USH2A: variants seen among roughly 807,000 people sequenced by gnomAD.
USH2A encodes the protein Usher syndrome 2A (autosomal recessive, mild).
Under a neutral mutation model 538.9 loss-of-function variants are expected in USH2A, and 443 were observed. The observed-to-expected ratio is 0.82, with a 90% confidence interval of 0.76 to 0.89. The LOEUF (loss-of-function observed/expected upper bound fraction) is 0.89. Ranked by LOEUF, USH2A falls within the 40% of genes least tolerant of loss-of-function variation. USH2A has a pLI of 0.00. For missense variants in USH2A, 6,633 were observed against 6,324.8 expected (o/e 1.05, Z -1.65); for synonymous variants, 2,413 against 2,273.5 (o/e 1.06, Z -1.75).
At chr1:215,799,719 T>C (rs148142096) in intron 49 of USH2A, among the ~76,000 whole-genome samples, 17 of 152,164 alleles carry the variant, frequency 1.1e-4, no homozygotes, top group African/African-American at 3.9e-4. Context: ...GGTGTGGTGC[T>C]TTACACCTGT....
chr1:215,639,262 A>T (rs770836674), intron 68 of USH2A, 24 bp from the exon 69 acceptor site: 1 of 1,612,964 alleles, frequency 6.2e-7, no homozygotes, highest in South Asian at 1.1e-5. Flanking sequence ...AGAACTGGTA[A>T]ATGACTTGTT....
chr1:216,208,207 A>C (rs1415029032), intron 15 of USH2A, among the ~76,000 whole-genome samples: 1 of 152,150 alleles, frequency 6.6e-6, no homozygotes, highest in African/African-American at 2.4e-5. Flanking sequence ...CGCAAAGATA[A>C]AGGAGAAAAA....
At chr1:215,990,543 T>TA (rs1667977240) in intron 35 of USH2A, among the ~76,000 whole-genome samples, 1 of 152,138 alleles carries the variant, frequency 6.6e-6, no homozygotes, top group African/African-American at 2.4e-5. Context: ...GTGTTTGACA[T>TA]ATACGCAAAT....
intron 65 of USH2A, among the ~76,000 whole-genome samples, 157 bp downstream of exon 65, chr1:215,650,435 T>C (rs1363915059): frequency 1.3e-5 from 2 of 152,170 alleles, no homozygotes; most frequent in African/African-American, 4.8e-5. Context: ...CACTTTTTCT[T>C]CTCTGAGGGA....
chr1:216,280,670 C>T (rs1249811810), intron 11 of USH2A, among the ~76,000 whole-genome samples: 1 of 150,814 alleles, frequency 6.6e-6, no homozygotes, highest in African/African-American at 2.4e-5. Flanking sequence ...ACTTTATGCC[C>T]CTCTCAAGAT....
intron 11 of USH2A, among the ~76,000 whole-genome samples, chr1:216,254,664 G>T (rs563743378): frequency 2.6e-5 from 4 of 152,278 alleles, no homozygotes; most frequent in African/African-American, 9.6e-5. Context: ...GAACTGAGGT[G>T]CCCCAGCTAA....
chr1:216,231,785 C>T (rs1042146332), intron 14 of USH2A, among the ~76,000 whole-genome samples, 168 bp downstream of exon 14: 1 of 152,070 alleles, frequency 6.6e-6, no homozygotes, highest in Non-Finnish European at 1.5e-5. Context: ...TGACCTCGGA[C>T]CTCGTGATCC....
rs536095499 is a variant in USH2A, at chr1:215,957,722, T to C, written c.7120+7595A>G. ...CTTTCTTCCACCAGGAAATATACTTTATAAGATCTCAGGTGAACTCACTCC... is the reference window on the plus strand; with the variant it reads ...CTTTCTTCCACCAGGAAATATACTTCATAAGATCTCAGGTGAACTCACTCC... On this transcript the variant is annotated intron_variant, in intron 37 of 71. Coordinates refer to ENST00000307340, the MANE Select transcript of USH2A (RefSeq NM_206933.4). Among the ~76,000 whole-genome samples, 3 of 152,248 alleles carry C rather than the reference T, an allele frequency of 2.0e-5. No homozygotes were observed. In the South Asian group the frequency reaches 6.2e-4, roughly 32 times the overall value.
intron 4 of USH2A, among the ~76,000 whole-genome samples, chr1:216,362,407 G>A (rs2038508187): frequency 6.6e-6 from 1 of 152,014 alleles, no homozygotes; most frequent in South Asian, 2.1e-4. Flanking sequence ...TTAGAGGAAT[G>A]TCAAGGGTGA....
intron 49 of USH2A, among the ~76,000 whole-genome samples, chr1:215,799,392 T>C (rs1258796677): frequency 6.6e-6 from 1 of 152,178 alleles, no homozygotes; most frequent in African/African-American, 2.4e-5. Context: ...ACATGGACTA[T>C]GTGGCATTAT....
At chr1:215,914,342 T>G (rs1216053148) in intron 38 of USH2A, among the ~76,000 whole-genome samples, 1 of 152,084 alleles carries the variant, frequency 6.6e-6, no homozygotes, top group Non-Finnish European at 1.5e-5. Flanking sequence ...TTTATGGGAA[T>G]GAATTTGGTC....
intron 40 of USH2A, among the ~76,000 whole-genome samples, chr1:215,890,391 T>C (rs1323450102): frequency 6.6e-6 from 1 of 152,186 alleles, no homozygotes; most frequent in Non-Finnish European, 1.5e-5. Context: ...ACTGCAATAA[T>C]AGTTGGTTAT....
At chr1:215,639,013 A>T in intron 69 of USH2A, 142 bp downstream of exon 69, 1 of 879,662 alleles carries the variant, frequency 1.1e-6, no homozygotes, top group Non-Finnish European at 1.8e-6. Context: ...ACAAAAAAAA[A>T]AACTCTGACA....
At chr1:215,960,425 G>A (rs2102449953) in intron 37 of USH2A, among the ~76,000 whole-genome samples, 1 of 152,046 alleles carries the variant, frequency 6.6e-6, no homozygotes, top group East Asian at 1.9e-4. Flanking sequence ...AATTTAAATT[G>A]ATAGTTAATT....
chr1:215,947,804 T>G (rs1212744899), intron 37 of USH2A, among the ~76,000 whole-genome samples: 1 of 152,234 alleles, frequency 6.6e-6, no homozygotes, highest in Non-Finnish European at 1.5e-5. Context: ...TACATTTTAC[T>G]ATTTACAATG....
In USH2A at chr1:215,888,798, T is replaced by C. The variant is rs1278356004; in HGVS notation, c.7851A>G (p.Val2617=). ...CTTCCGGTGCCCCTGGGAGTGTCCA[T>C]ACAGTCTGGGACTCTGGTGAAAGGG... ...GCSLSPESQT[V]WTLPGAPEGI... is the part of the protein sequence containing the mutation. The change falls in exon 41 of 72, where the codon GTA becomes GTG. Residue 2617 remains valine, a synonymous_variant. Coordinates refer to ENST00000307340, the MANE Select transcript of USH2A (RefSeq NM_206933.4). 8 of 1,613,980 alleles carry C rather than the reference T, an allele frequency of 5.0e-6. No individual in the cohort carries two copies. Among genetic ancestry groups the C allele is most frequent in the Non-Finnish European group, 5.9e-6 (7 of 1,180,008 alleles).
At chr1:215,894,711 A>C (rs1487569060) in intron 40 of USH2A, among the ~76,000 whole-genome samples, 1 of 152,114 alleles carries the variant, frequency 6.6e-6, no homozygotes, top group Non-Finnish European at 1.5e-5. Context: ...CCAAGGTAAA[A>C]AAATGAGAAT....
chr1:215,689,440 G>A (rs1658530600), intron 61 of USH2A, among the ~76,000 whole-genome samples: 1 of 152,138 alleles, frequency 6.6e-6, no homozygotes, highest in Non-Finnish European at 1.5e-5. Flanking sequence ...CCTTCTGTGG[G>A]AGACACACCT....
intron 62 of USH2A, among the ~76,000 whole-genome samples, chr1:215,678,407 A>C (rs1558050386): frequency 6.6e-6 from 1 of 152,110 alleles, no homozygotes; most frequent in Non-Finnish European, 1.5e-5. Context: ...TCTTTCCTTG[A>C]ATACACCAAG....
Sources: allele counts gnomAD v4.1 joint callset (sites outside exome capture counted in the v4.1 genomes callset), GRCh38; gene constraint gnomAD v4.1.1; transcripts MANE v1.5; gene names NCBI Gene and HGNC (gene_info 2026-07-23, HGNC 2026-07-21).